SIPA1L1: variants seen among roughly 807,000 people sequenced by gnomAD.
SIPA1L1 encodes the protein signal-induced proliferation-associated 1-like protein 1.
In SIPA1L1, 26 loss-of-function variants were observed where a neutral mutation model predicts 162.7. The ratio of observed to expected loss-of-function variants is 0.16; its 90% CI spans 0.12 to 0.22. SIPA1L1 has a LOEUF of 0.22. SIPA1L1 is among the 10% of genes least tolerant of loss of function. The pLI, the probability that SIPA1L1 is intolerant of heterozygous loss-of-function variation, is 1.00. For synonymous variants in SIPA1L1, 829 were observed against 837.4 expected, an observed-to-expected ratio of 0.99 and a Z score of 0.17; for missense variants, 1,874 against 2,241.0, an observed-to-expected ratio of 0.84 and a Z score of 3.31.
intron 7 of SIPA1L1, among the ~76,000 whole-genome samples, chr14:71,632,153 A>C (rs2040636994): frequency 6.6e-6 from 1 of 152,234 alleles, no homozygotes; most frequent in Non-Finnish European, 1.5e-5. Context: ...TACAGCCAAC[A>C]ACCTTGGACA....
chr14:71,639,466 G>A (rs1054675942), intron 7 of SIPA1L1, among the ~76,000 whole-genome samples: 7 of 152,070 alleles, frequency 4.6e-5, no homozygotes, highest in Non-Finnish European at 1.0e-4. Context: ...AATTGAGAGC[G>A]TTAACATATA....
At chr14:71,526,535 T>C (rs2052891378) in intron 3 of SIPA1L1, among the ~76,000 whole-genome samples, 1 of 152,246 alleles carries the variant, frequency 6.6e-6, no homozygotes, top group African/African-American at 2.4e-5. Context: ...TTTATATTCA[T>C]TGCTGTGTAG....
Position 71,587,820 on chromosome 14 carries a change from C to A in SIPA1L1, c.-53C>A. The stretch of plus-strand genomic sequence containing the variant: ...CCAAAAGGGAAGTGCACATTTAAAA[C>A]ACAGATATGATGGTCCTTGCTGCAG... On this transcript the variant is annotated 5_prime_UTR_variant, in exon 5 of 24. Coordinates refer to ENST00000381232, the MANE Select transcript of SIPA1L1 (RefSeq NM_001386936.1). 6.6e-7 allele frequency: 1 copy of A among 1,514,670 alleles called. No individual in the cohort carries two copies. The highest frequency in any genetic ancestry group is 1.3e-5 in the South Asian group (1 of 79,398). 93.8% of individuals were successfully genotyped at this position (1,514,670 alleles called of 1,614,324 possible).
In SIPA1L1 at chr14:71,671,645, A is replaced by G. The variant is rs1021209755; in HGVS notation, c.2782A>G (p.Ser928Gly). The part of the protein sequence containing the change: ...YERGECVSVG[S>G]FINIEEIKEI... ...ACGAGGAGAATGTGTTTCAGTGGGT[A>G]GTTTTATTAACATTGAGGAGATCAA... Residue 928 changes from serine (S) to glycine (G), a missense_variant, in exon 11 of 24, where the codon AGT becomes GGT. Ser to Gly is a moderately conservative substitution (Grantham distance 56). This residue lies in a region of SIPA1L1 where 243 missense variants were observed against 315.0 expected (regional missense o/e 0.77). Transcript: ENST00000381232. The G allele has an allele frequency of 2.5e-6, 4 of 1,613,128 alleles. No individual in the cohort carries two copies. The highest frequency in any genetic ancestry group is 2.7e-5 in the African/African-American group (2 of 74,902).
At position 71,603,458 on chromosome 14, in the gene SIPA1L1, C is replaced by CT. The variant is rs996458706; in HGVS notation, c.1498+14097dup. Among the ~76,000 whole-genome samples, 9 of 150,902 alleles carry CT rather than the reference C, an allele frequency of 6.0e-5. No homozygotes were observed. The South Asian group carries it at 6.3e-4, about 11-fold the overall frequency. On this transcript the variant is annotated intron_variant, in intron 5 of 23. Coordinates refer to ENST00000381232, the MANE Select transcript of SIPA1L1 (RefSeq NM_001386936.1). ...TTTACCACTGTGATTTGGTGGTTTT[C>CT]TTTTTTTTTCTTTCTTTTGAGACAG...
chr14:71,699,460 A>T (rs1164928005), intron 14 of SIPA1L1, among the ~76,000 whole-genome samples: 2 of 152,304 alleles, frequency 1.3e-5, no homozygotes, highest in South Asian at 4.1e-4. Flanking sequence ...CACCTGTACA[A>T]GTTTTAGGAT....
At chr14:71,348,179 C>T (rs1043933346) in intron 2 of SIPA1L1, among the ~76,000 whole-genome samples, 1 of 152,126 alleles carries the variant, frequency 6.6e-6, no homozygotes, top group African/African-American at 2.4e-5. Context: ...TCACAAAATG[C>T]ATACACACAT....
intron 10 of SIPA1L1, among the ~76,000 whole-genome samples, chr14:71,669,286 G>A (rs2044302892): frequency 6.6e-6 from 1 of 152,144 alleles, no homozygotes; most frequent in African/African-American, 2.4e-5. Flanking sequence ...TTTGTCTAAA[G>A]TTCTATCAAT....
intron 5 of SIPA1L1, among the ~76,000 whole-genome samples, chr14:71,599,147 CTTTT>C (rs35037397): frequency 7.5e-5 from 8 of 106,198 alleles, no homozygotes; most frequent in Non-Finnish European, 1.2e-4. Context: ...TGATTTCATT[CTTTT>C]TTTTTTTTTT....
intron 2 of SIPA1L1, among the ~76,000 whole-genome samples, chr14:71,454,681 G>A (rs982378673): frequency 9.2e-5 from 14 of 152,122 alleles, no homozygotes; most frequent in Admixed American, 3.3e-4. Context: ...AGGCAGTATA[G>A]AGTTTATTTT....
At chr14:71,390,615 CA>C (rs1413159014) in intron 2 of SIPA1L1, among the ~76,000 whole-genome samples, 3 of 151,206 alleles carry the variant, frequency 2.0e-5, no homozygotes, top group African/African-American at 7.3e-5. Flanking sequence ...CTGTCTCTAC[CA>C]AAAAAAGAAG....
At chr14:71,384,207 G>C (rs1221598193) in intron 2 of SIPA1L1, among the ~76,000 whole-genome samples, 5 of 152,228 alleles carry the variant, frequency 3.3e-5, no homozygotes, top group Non-Finnish European at 7.3e-5. Context: ...GGAAGGTGAT[G>C]AATTTTCAGA....
intron 13 of SIPA1L1, among the ~76,000 whole-genome samples, chr14:71,693,431 G>A (rs2081389893): frequency 6.6e-6 from 1 of 151,246 alleles, no homozygotes; most frequent in Non-Finnish European, 1.5e-5. Flanking sequence ...CCTGGGAGGA[G>A]GAGATCGCAG....
At chr14:71,490,925 A>T (rs2049192377) in intron 2 of SIPA1L1, among the ~76,000 whole-genome samples, 1 of 152,186 alleles carries the variant, frequency 6.6e-6, no homozygotes, top group Admixed American at 6.5e-5. Flanking sequence ...GTTTAATAGG[A>T]ATGAAGATGC....
In SIPA1L1 at chr14:71,377,039, G is replaced by A. The variant is rs1455937279; in HGVS notation, c.-465+55858G>A. On this transcript the variant is annotated intron_variant, in intron 2 of 23. Coordinates refer to ENST00000381232, the MANE Select transcript of SIPA1L1 (RefSeq NM_001386936.1). This position sits in a 1 kb window ranked among gnomAD's most constrained non-coding sequence, Gnocchi z 4.8. ...CGTCATTATGGCCCGTTCTCAGTGA[G>A]CTGTTGGGTACACCTCCCAGACGGG... 6.6e-6 allele frequency among the ~76,000 whole-genome samples: 1 copy of A among 152,020 alleles called. No homozygotes were observed. The highest frequency in any genetic ancestry group is 2.4e-5 in the African/African-American group (1 of 41,266).
chr14:71,505,769 C>T (rs1354883995), intron 2 of SIPA1L1, among the ~76,000 whole-genome samples: 1 of 152,074 alleles, frequency 6.6e-6, no homozygotes, highest in East Asian at 1.9e-4. Context: ...CACACCTGAC[C>T]TGATGTGACA....
At chr14:71,387,920 A>T (rs2040464060) in intron 2 of SIPA1L1, among the ~76,000 whole-genome samples, 1 of 152,240 alleles carries the variant, frequency 6.6e-6, no homozygotes, top group East Asian at 1.9e-4. Context: ...TATGCTAAAG[A>T]TGAATCCAAG....
chr14:71,589,536 C>T (rs371132167), intron 5 of SIPA1L1, among the ~76,000 whole-genome samples, 166 bp downstream of exon 5: 36 of 152,200 alleles, frequency 2.4e-4, no homozygotes, highest in African/African-American at 8.2e-4. Flanking sequence ...TTTCTTTTTG[C>T]ATTTTTTGAG....
intron 13 of SIPA1L1, among the ~76,000 whole-genome samples, chr14:71,692,744 A>C (rs2081337799): frequency 6.6e-6 from 1 of 152,162 alleles, no homozygotes; most frequent in South Asian, 2.1e-4. Context: ...TCAGTTACTT[A>C]CTCATCATTC....
Sources: allele counts gnomAD v4.1 joint callset (sites outside exome capture counted in the v4.1 genomes callset), GRCh38; gene constraint gnomAD v4.1.1; regional missense constraint gnomAD v4.1.1; non-coding constraint Gnocchi (gnomAD v3.1); transcripts MANE v1.5; gene names NCBI Gene and HGNC (gene_info 2026-07-23, HGNC 2026-07-21).